PCDH7: variants seen among roughly 807,000 people sequenced by gnomAD.
The protein encoded by PCDH7 is protocadherin 7.
Under a neutral mutation model 58.9 loss-of-function variants are expected in PCDH7, and 17 were observed. The ratio of observed to expected loss-of-function variants is 0.29; its 90% confidence interval spans 0.20 to 0.43. The LOEUF is 0.43. PCDH7 is among the 20% of genes least tolerant of loss of function. PCDH7 has a pLI of 1.00. For synonymous variants in PCDH7, 664 were observed against 616.4 expected (o/e 1.08, Z -1.14); for missense variants, 1,274 against 1,441.0 (o/e 0.88, Z 1.88).
At chr4:30,753,915 A>G (rs1038909879) in intron 1 of PCDH7, among the ~76,000 whole-genome samples, 16 of 152,316 alleles carry the variant, frequency 1.1e-4, no homozygotes, top group African/African-American at 3.8e-4. Flanking sequence ...CATGAATTAG[A>G]TTTGAATATT....
chr4:30,748,501 G>A (rs1718068831), intron 1 of PCDH7, among the ~76,000 whole-genome samples: 1 of 152,128 alleles, frequency 6.6e-6, no homozygotes, highest in Non-Finnish European at 1.5e-5. Context: ...AACAAATGGG[G>A]CCAGCCTCAT....
intron 1 of PCDH7, among the ~76,000 whole-genome samples, chr4:30,880,563 G>A (rs1265833745): frequency 2.0e-5 from 3 of 152,058 alleles, no homozygotes; most frequent in Admixed American, 6.6e-5. Flanking sequence ...TCTACTTTCT[G>A]TCATACAACC....
chr4:30,765,666 T>C (rs1720647031), intron 1 of PCDH7, among the ~76,000 whole-genome samples: 1 of 152,202 alleles, frequency 6.6e-6, no homozygotes, highest in Non-Finnish European at 1.5e-5. Context: ...GTAAATCCTA[T>C]GGTGTAAAAA....
At chr4:31,094,629 A>G (rs1206149523) in intron 3 of PCDH7, among the ~76,000 whole-genome samples, 2 of 152,022 alleles carry the variant, frequency 1.3e-5, no homozygotes, top group East Asian at 1.9e-4. Flanking sequence ...GAGCAGTTTC[A>G]TAGCATCTGT....
At chr4:30,739,157 A>C (rs190771547) in intron 1 of PCDH7, among the ~76,000 whole-genome samples, 1,641 of 145,970 alleles carry the variant, frequency 0.011, 24 homozygotes, top group African/African-American at 0.039. Context: ...TTTTATATAT[A>C]TATTATATAT....
At chr4:31,023,996 C>T (rs1007008701) in intron 3 of PCDH7, among the ~76,000 whole-genome samples, 8 of 152,242 alleles carry the variant, frequency 5.3e-5, no homozygotes, top group African/African-American at 1.9e-4. Flanking sequence ...GCTTTGGAGA[C>T]CTTGATGTCC....
chr4:30,791,755 CTG>C (rs1724147600), intron 1 of PCDH7, among the ~76,000 whole-genome samples: 1 of 152,144 alleles, frequency 6.6e-6, no homozygotes, highest in South Asian at 2.1e-4. Context: ...TGAAAGGAAA[CTG>C]TGAAAGCCAA....
At chr4:30,925,067 C>G (rs1443550191) in intron 2 of PCDH7, among the ~76,000 whole-genome samples, 1 of 152,130 alleles carries the variant, frequency 6.6e-6, no homozygotes, top group African/African-American at 2.4e-5. Context: ...TTCCAAACTT[C>G]CTTACTTTGT....
At chr4:31,020,771 A>G (rs1753961063) in intron 3 of PCDH7, among the ~76,000 whole-genome samples, 1 of 152,190 alleles carries the variant, frequency 6.6e-6, no homozygotes, top group Non-Finnish European at 1.5e-5. Flanking sequence ...TCCAGGCCTA[A>G]TTACTACTGT....
intron 1 of PCDH7, among the ~76,000 whole-genome samples, chr4:30,760,588 A>G (rs1484206378): frequency 6.6e-6 from 1 of 152,160 alleles, no homozygotes; most frequent in Non-Finnish European, 1.5e-5. Context: ...GTGAACTCCC[A>G]TTCACAATTG....
At chr4:31,016,124 G>C (rs1375326676) in intron 3 of PCDH7, among the ~76,000 whole-genome samples, 1 of 152,064 alleles carries the variant, frequency 6.6e-6, no homozygotes, top group Non-Finnish European at 1.5e-5. Flanking sequence ...GTAATGAAGT[G>C]GTTTCTCAAT....
At chr4:30,894,341 G>A (rs1332032417) in intron 1 of PCDH7, among the ~76,000 whole-genome samples, 1 of 150,154 alleles carries the variant, frequency 6.7e-6, no homozygotes, top group African/African-American at 2.4e-5. Flanking sequence ...TGTGGCAAAG[G>A]GTACACTAGT....
intron 2 of PCDH7, 59 bp downstream of exon 2, chr4:30,920,428 C>A (rs776322841): frequency 2.4e-6 from 3 of 1,239,362 alleles, no homozygotes; most frequent in Non-Finnish European, 3.3e-6. Flanking sequence ...AATAAGTAGA[C>A]TCGCGAAGGT....
intron 1 of PCDH7, among the ~76,000 whole-genome samples, chr4:30,818,336 T>C (rs573129736): frequency 1.3e-5 from 2 of 152,340 alleles, no homozygotes; most frequent in African/African-American, 4.8e-5. Flanking sequence ...AGGTTAGGAA[T>C]GTCTATGGAG....
chr4:30,925,326 C>G (rs1743718299), intron 2 of PCDH7, among the ~76,000 whole-genome samples: 1 of 152,148 alleles, frequency 6.6e-6, no homozygotes, highest in African/African-American at 2.4e-5. Flanking sequence ...TCCTCTTTCT[C>G]TCTCCTTTTC....
chr4:30,928,002 G>T (rs925475991), intron 2 of PCDH7, among the ~76,000 whole-genome samples: 3 of 152,022 alleles, frequency 2.0e-5, no homozygotes, highest in African/African-American at 7.3e-5. Context: ...TTAATGTAAG[G>T]TCTTGCTCTG....
intron 1 of PCDH7, among the ~76,000 whole-genome samples, chr4:30,914,950 C>T (rs1742245326): frequency 6.6e-6 from 1 of 152,140 alleles, no homozygotes; most frequent in South Asian, 2.1e-4. Context: ...ATTAAACACA[C>T]ATACACACAC....
At chr4:31,100,218 C>T (rs1308443558) in intron 3 of PCDH7, among the ~76,000 whole-genome samples, 1 of 151,966 alleles carries the variant, frequency 6.6e-6, no homozygotes. Flanking sequence ...AAGTAAAGCT[C>T]GATAGGTAGA....
chr4:30,784,960 G>A lies in PCDH7; in HGVS notation c.70+60364G>A, dbSNP rs567686154. ...GATACTATGATATAACAAGTAATAT[G>A]ATTTCCCTAATTGGTTATTTCCAAA... On this transcript the variant is annotated intron_variant, in intron 1 of 3. Coordinates refer to the PCDH7 transcript ENST00000509759. Among the ~76,000 whole-genome samples the A allele has an allele frequency of 2.6e-5, 4 of 152,054 alleles. No individual in the cohort carries two copies. In the South Asian group the frequency reaches 6.2e-4, roughly 24 times the overall value.
Sources: allele counts gnomAD v4.1 joint callset (sites outside exome capture counted in the v4.1 genomes callset), GRCh38; gene constraint gnomAD v4.1.1; transcripts MANE v1.5; gene names NCBI Gene and HGNC (gene_info 2026-07-23, HGNC 2026-07-21).